AHCTF1: variants seen among roughly 807,000 people sequenced by gnomAD.
The protein encoded by AHCTF1 is protein ELYS.
AHCTF1 carries 24 observed loss-of-function variants against 248.4 expected under a neutral mutation model. The observed-to-expected ratio is 0.10, with a 90% CI of 0.07 to 0.14. The LOEUF is 0.14. AHCTF1 is among the 10% of genes least tolerant of loss of function. AHCTF1 has a pLI of 1.00. For synonymous variants in AHCTF1, 786 were observed against 929.8 expected (o/e 0.85, Z 2.81); for missense variants, 2,206 against 2,636.2 (o/e 0.84, Z 3.57).
chr1:246,874,617 T>G (rs912873511), intron 24 of AHCTF1, among the ~76,000 whole-genome samples: 1 of 152,150 alleles, frequency 6.6e-6, no homozygotes, highest in South Asian at 2.1e-4. Flanking sequence ...CTGTTTAACA[T>G]TAACTTATCC....
At chr1:246,855,253 C>CCTAT (rs1661032063) in intron 31 of AHCTF1, among the ~76,000 whole-genome samples, 1 of 152,150 alleles carries the variant, frequency 6.6e-6, no homozygotes, top group East Asian at 1.9e-4. Flanking sequence ...TTAAGAAAAT[C>CCTAT]CTATCTTCCT....
intron 2 of AHCTF1, among the ~76,000 whole-genome samples, 184 bp from the exon 3 acceptor site, chr1:246,916,579 G>A (rs1446511390): frequency 6.6e-6 from 1 of 152,134 alleles, no homozygotes; most frequent in African/African-American, 2.4e-5. Context: ...GCGTGAACCT[G>A]GGAGGTGGAG....
intron 1 of AHCTF1, among the ~76,000 whole-genome samples, chr1:246,922,910 G>C (rs544433668): frequency 6.7e-6 from 1 of 149,392 alleles, no homozygotes; most frequent in African/African-American, 2.5e-5. Context: ...ATGAACCCAG[G>C]AGGCGGAGTT....
intron 5 of AHCTF1, among the ~76,000 whole-genome samples, chr1:246,905,931 A>G (rs1377442096): frequency 2.0e-5 from 3 of 152,174 alleles, no homozygotes; most frequent in African/African-American, 7.2e-5. Context: ...TGGTCCTAAG[A>G]GTCATATTCA....
At position 246,881,120 on chromosome 1, in the gene AHCTF1, G is replaced by A. The variant is rs137993091; in HGVS notation, c.2661-3818C>T. Among the ~76,000 whole-genome samples, 34 of 152,254 alleles carry A rather than the reference G, an allele frequency of 2.2e-4. No individual in the cohort carries two copies. The East Asian group carries it at 5.6e-3, about 25-fold the overall frequency. On this transcript the variant is annotated intron_variant, in intron 21 of 35. Transcript: ENST00000648844. ...AAACAACCAACCACTGATTTCTAGT[G>A]ACTGGAGTAAAGTAAAAAGACTGGG...
chr1:246,898,164 C>A, intron 12 of AHCTF1, 44 bp downstream of exon 12: 3 of 1,607,354 alleles, frequency 1.9e-6, no homozygotes, highest in Non-Finnish European at 1.7e-6. Flanking sequence ...AAGCTAATAA[C>A]GTGATCCAAC....
intron 11 of AHCTF1, among the ~76,000 whole-genome samples, chr1:246,898,945 C>T (rs771620173): frequency 1.3e-5 from 2 of 152,004 alleles, no homozygotes; most frequent in Non-Finnish European, 1.5e-5. Context: ...AAATATTAGC[C>T]GGGCGTGGTG....
intron 21 of AHCTF1, among the ~76,000 whole-genome samples, chr1:246,885,069 T>C (rs1223369546): frequency 6.6e-6 from 1 of 152,206 alleles, no homozygotes; most frequent in African/African-American, 2.4e-5. Context: ...TTGGCGCCCC[T>C]CCCTTTTATT....
intron 3 of AHCTF1, among the ~76,000 whole-genome samples, chr1:246,915,886 G>A (rs1666110608): frequency 1.3e-5 from 2 of 152,172 alleles, no homozygotes; most frequent in African/African-American, 4.8e-5. Context: ...AACATTACAT[G>A]TCATTGCTAT....
chr1:246,897,447 G>A (rs1050749016), intron 12 of AHCTF1, among the ~76,000 whole-genome samples: 2 of 152,226 alleles, frequency 1.3e-5, no homozygotes, highest in African/African-American at 4.8e-5. Context: ...ATAGCCATGT[G>A]TTGCTTAATG....
At chr1:246,868,875 C>A (rs192556235) in intron 24 of AHCTF1, among the ~76,000 whole-genome samples, 1 of 144,664 alleles carries the variant, frequency 6.9e-6, no homozygotes, top group Non-Finnish European at 1.5e-5. Context: ...GATGGAGTCT[C>A]GCTCTGTCAC....
Position 246,850,110 on chromosome 1 carries a change from C to A in AHCTF1, c.5896G>T (p.Asp1966Tyr), listed in dbSNP as rs767098714. The change falls in exon 33 of 36, where the codon GAT becomes TAT. Residue 1966 changes from aspartate to tyrosine, a missense_variant. This residue lies in a region of AHCTF1 where 469 missense variants were observed against 470.0 expected (regional missense o/e 1.00). Coordinates refer to ENST00000648844, the MANE Select transcript of AHCTF1 (RefSeq NM_001323342.2). Reference sequence around the variant, plus strand: ...CGTTTTCTAGGTATGGCAGACATATCAAATTCTGCTTGAACAGTCAACTGA... The same window carrying A: ...CGTTTTCTAGGTATGGCAGACATATAAAATTCTGCTTGAACAGTCAACTGA... ...SSQLTVQAEF[D>Y]MSAIPRKRGR... 6 of 1,613,818 alleles carry A rather than the reference C, an allele frequency of 3.7e-6. No individual in the cohort carries two copies. In the East Asian group the frequency reaches 1.3e-4, roughly 36 times the overall value.
chr1:246,931,524 GCGCGACCCGCCCT>G, intron 1 of AHCTF1, 41 bp downstream of exon 1: 3 of 361,310 alleles, frequency 8.3e-6, no homozygotes, highest in African/African-American at 2.3e-5. Flanking sequence ...GGTCCAGGCC[GCGCGACCCGCCCT>G]CCGCCGCGCG....
rs1434456460 is a variant in AHCTF1 at position 246,889,976 on chromosome 1, G to A, written c.2134C>T (p.Arg712Cys). Residue 712 changes from arginine (R) to cysteine (C), a missense_variant, in exon 17 of 36, where the codon CGT (arginine) becomes TGT (cysteine). This residue lies in a region of AHCTF1 where 650 missense variants were observed against 870.8 expected (regional missense o/e 0.75). Transcript: ENST00000648844. ...ATTGTTTTACTATACCTTGATAAAC[G>A]CTCAAACTTCTGTCGACGACTGGTG... is the stretch of plus-strand genomic sequence containing the variant. ...YYTSRRQKFE[R>C]LSRGKWNPDC... The A allele has an allele frequency of 3.7e-6, 6 of 1,610,008 alleles. No homozygotes were observed. The highest frequency in any genetic ancestry group is 3.3e-5 in the South Asian group (3 of 90,680).
chr1:246,845,192 T>G (rs1036404109), intron 33 of AHCTF1, among the ~76,000 whole-genome samples: 1 of 152,226 alleles, frequency 6.6e-6, no homozygotes. Context: ...CGAGCATGAT[T>G]CTTTAAAAAA....
intron 5 of AHCTF1, 82 bp from the exon 6 acceptor site, chr1:246,905,739 G>GAA: frequency 9.6e-7 from 1 of 1,037,740 alleles, no homozygotes; most frequent in Non-Finnish European, 1.4e-6. Context: ...CTTGGGTTAG[G>GAA]CAACCACTGT....
chr1:246,868,753 T>G (rs2103084009), intron 24 of AHCTF1, among the ~76,000 whole-genome samples: 1 of 152,204 alleles, frequency 6.6e-6, no homozygotes, highest in South Asian at 2.1e-4. Context: ...ATTTCTTGGG[T>G]TACAGAGCAG....
intron 12 of AHCTF1, among the ~76,000 whole-genome samples, chr1:246,897,037 G>C (rs1029377953): frequency 1.3e-5 from 2 of 152,220 alleles, no homozygotes; most frequent in African/African-American, 4.8e-5. Context: ...TAACTGGCCA[G>C]GCACAGTGGC....
intron 24 of AHCTF1, among the ~76,000 whole-genome samples, chr1:246,868,839 GT>G (rs1190228138): frequency 1.8e-5 from 2 of 113,778 alleles, no homozygotes; most frequent in Admixed American, 1.1e-4. Flanking sequence ...TTGTGTGTGT[GT>G]TTTTTGTTTT....
Sources: gnomAD v4.1 joint callset for allele counts (sites outside exome capture counted in the v4.1 genomes callset) on GRCh38, gnomAD v4.1.1 for gene constraint, gnomAD v4.1.1 regional missense constraint, MANE v1.5 for transcripts, NCBI Gene and HGNC (gene_info 2026-07-23, HGNC 2026-07-21) for gene names.